PIEZO2: variants seen among roughly 807,000 people sequenced by gnomAD.
The protein encoded by PIEZO2 is piezo type mechanosensitive ion channel component 2.
PIEZO2 carries 172 observed loss-of-function variants against 337.3 expected under a neutral mutation model. The observed-to-expected ratio is 0.51, with a 90% CI of 0.45 to 0.58. PIEZO2 has a LOEUF of 0.58. PIEZO2 is among the 20% of genes least tolerant of loss of function. The pLI is 0.00. For synonymous variants in PIEZO2, 1,251 were observed against 1,228.5 expected (o/e 1.02, Z -0.38); for missense variants, 3,028 against 3,391.3 (o/e 0.89, Z 2.66).
At position 10,859,503 on chromosome 18, in the gene PIEZO2, C is replaced by A. The variant is rs1057015214; in HGVS notation, c.493-2292G>T. The stretch of plus-strand genomic sequence containing the variant: ...ACTGCATCCCATCTGCTCAGGACAC[C>A]AGGGAGAGAACAGCCCAGCCATCCT... On this transcript the variant is annotated intron_variant, in intron 5 of 55. Transcript: ENST00000674853. This position sits in a 1 kb window ranked among gnomAD's most constrained non-coding sequence, Gnocchi z 4.9. Among the ~76,000 whole-genome samples, 1 of 152,196 alleles carries A rather than the reference C, an allele frequency of 6.6e-6. No homozygotes were observed. Among genetic ancestry groups the A allele is most frequent in the African/African-American group, 2.4e-5 (1 of 41,446 alleles).
At chr18:10,939,450 A>G (rs2032600129) in intron 3 of PIEZO2, among the ~76,000 whole-genome samples, 1 of 152,194 alleles carries the variant, frequency 6.6e-6, no homozygotes, top group Non-Finnish European at 1.5e-5. Context: ...TCATTCTACT[A>G]TAAAGACACA....
At chr18:10,994,741 T>C (rs1005434369) in intron 2 of PIEZO2, among the ~76,000 whole-genome samples, 4 of 151,946 alleles carry the variant, frequency 2.6e-5, no homozygotes, top group Admixed American at 1.3e-4. Flanking sequence ...TCTGTATTGT[T>C]TTCCACAGTG....
chr18:11,120,159 T>A (rs2039991280), intron 1 of PIEZO2, among the ~76,000 whole-genome samples: 1 of 152,152 alleles, frequency 6.6e-6, no homozygotes, highest in South Asian at 2.1e-4. Context: ...ACAGATAACA[T>A]CAGTCCAGAA....
chr18:11,108,479 T>C (rs1224538781), intron 1 of PIEZO2, among the ~76,000 whole-genome samples: 1 of 151,482 alleles, frequency 6.6e-6, no homozygotes, highest in Non-Finnish European at 1.5e-5. Context: ...CCGGGCGCGG[T>C]GGCGGGCGCC....
chr18:10,739,305 A>G (rs759978864), intron 33 of PIEZO2: 3 of 152,268 alleles, frequency 2.0e-5, no homozygotes, highest in African/African-American at 4.8e-5. Flanking sequence ...GTAGTTTAAC[A>G]TCAATCTTCA....
chr18:10,718,082 C>T lies in PIEZO2; in HGVS notation c.5089+118G>A, dbSNP rs945696541. Reference sequence around the variant, plus strand: ...TTCCAAGGGATACTGATTATTTACTCATAGTCCAGAAAACAGTGTTCGATT... The same window carrying T: ...TTCCAAGGGATACTGATTATTTACTTATAGTCCAGAAAACAGTGTTCGATT... On this transcript the variant is annotated intron_variant, in intron 37 of 55. Coordinates refer to ENST00000674853, the MANE Select transcript of PIEZO2 (RefSeq NM_001378183.1). 3.6e-5 allele frequency: 31 copies of T among 869,320 alleles called. No individual in the cohort carries two copies. The African/African-American group carries it at 4.5e-4, about 13-fold the overall frequency. 53.9% of individuals were successfully genotyped at this position (869,320 alleles called of 1,614,324 possible). A position where few individuals can be genotyped will look rare whatever the true frequency, so the allele number is the denominator to read the frequency against.
At chr18:10,811,146 A>G (rs948712505) in intron 7 of PIEZO2, among the ~76,000 whole-genome samples, 3 of 151,986 alleles carry the variant, frequency 2.0e-5, no homozygotes, top group Non-Finnish European at 2.9e-5. Context: ...GTTTCTTCCT[A>G]TCTCTTTGTT....
rs7244687 is a variant in PIEZO2 at position 10,715,175 on chromosome 18, T to A, written c.5257-245A>T. The stretch of plus-strand genomic sequence containing the variant: ...GCCAAATCATAGTAACCTTTCAAGA[T>A]ATGAACTATTATTTTAAAATACAGT... On this transcript the variant is annotated intron_variant, in intron 38 of 55. Transcript: ENST00000674853. 0.83 allele frequency among the ~76,000 whole-genome samples: 126,642 copies of A among 151,950 alleles called. 53,417 individuals are homozygous for A. The highest frequency in any genetic ancestry group is 0.99 in the East Asian group (5,141 of 5,184).
Position 10,696,419 on chromosome 18 carries a change from G to C in PIEZO2, c.6948C>G (p.Ile2316Met), listed in dbSNP as rs1389899571. The stretch of plus-strand genomic sequence containing the variant: ...CAAAGGCCCAAAAGCCGAAGACAAT[G>C]ATGATGAAGTCCACAGTGTCAGCCA... The part of the protein sequence containing the change: ...MFLADTVDFI[I>M]IVFGFWAFGK... Residue 2316 changes from isoleucine to methionine, a missense_variant, in exon 46 of 56, where the codon ATC (isoleucine) becomes ATG (methionine). By Grantham distance (10) the Ile-to-Met change is conservative. Around this residue, in one of 5 missense-constraint regions of PIEZO2, gnomAD observed 1,925 missense variants for 2,051.9 expected, o/e 0.94. Transcript: ENST00000674853. 2 of 1,614,254 alleles carry C rather than the reference G, an allele frequency of 1.2e-6. No homozygotes were observed. Among genetic ancestry groups the C allele is most frequent in the Non-Finnish European group, 1.7e-6 (2 of 1,180,048 alleles).
chr18:11,060,591 C>T (rs554384345), intron 2 of PIEZO2, among the ~76,000 whole-genome samples: 23 of 152,294 alleles, frequency 1.5e-4, no homozygotes, highest in South Asian at 2.1e-4. Context: ...ACCGATCCCA[C>T]GGAAATACAA....
In PIEZO2 at chr18:10,962,948, T is replaced by TG. The variant is rs2033845001; in HGVS notation, c.286+16586dup. Reference sequence around the variant, plus strand: ...AAACTTTAAAAGACTAAAATTGGTCTGGGGCTATACATATACCCAGAATCA... The same window carrying TG: ...AAACTTTAAAAGACTAAAATTGGTCTGGGGGCTATACATATACCCAGAATCA... On this transcript the variant is annotated intron_variant, in intron 3 of 55. Coordinates refer to ENST00000674853, the MANE Select transcript of PIEZO2 (RefSeq NM_001378183.1). The surrounding 1 kb of genome is among the most constrained non-coding windows in gnomAD (Gnocchi z 4.1). Among the ~76,000 whole-genome samples the TG allele has an allele frequency of 6.6e-6, 1 of 152,162 alleles. No homozygotes were observed. Among genetic ancestry groups the TG allele is most frequent in the Admixed American group, 6.5e-5 (1 of 15,274 alleles).
intron 2 of PIEZO2, among the ~76,000 whole-genome samples, chr18:11,055,782 G>A (rs1165948529): frequency 1.3e-5 from 2 of 152,182 alleles, no homozygotes; most frequent in Non-Finnish European, 2.9e-5. Flanking sequence ...TTGCAGGCTG[G>A]GCCTCTGAGC....
At chr18:10,715,620 G>A (rs1231451767) in intron 38 of PIEZO2, 30 bp downstream of exon 38, 4 of 1,487,248 alleles carry the variant, frequency 2.7e-6, no homozygotes, top group South Asian at 1.3e-5. Flanking sequence ...ATGTGGGAAG[G>A]AGCAAAAAGA....
intron 2 of PIEZO2, among the ~76,000 whole-genome samples, chr18:11,052,246 ATC>A (rs1173573304): frequency 6.6e-6 from 1 of 152,182 alleles, no homozygotes; most frequent in Admixed American, 6.5e-5. Context: ...CTCCAGATTA[ATC>A]TCTGAGTCTC....
At chr18:10,932,973 A>G (rs980825254) in intron 3 of PIEZO2, among the ~76,000 whole-genome samples, 1 of 152,100 alleles carries the variant, frequency 6.6e-6, no homozygotes, top group Non-Finnish European at 1.5e-5. Context: ...AGAACACTCT[A>G]AGTTGCAAAG....
At position 10,672,699 on chromosome 18, in the gene PIEZO2, G is replaced by C; in HGVS notation, c.8336C>G (p.Ala2779Gly). ...KVSPPSLGFL[A>G]GYGIMGLYAS... ...TTCAATGAGTCCTTACCCATAGCCA[G>C]CCAGGAACCCCAGACTTGGGGGACT... The change falls in exon 55 of 56, where the codon GCT (alanine) becomes GGT (glycine). Residue 2779 changes from alanine to glycine, a missense_variant. Transcript: ENST00000674853. The surrounding 1 kb of genome is among the most constrained non-coding windows in gnomAD (Gnocchi z 4.7). The C allele has an allele frequency of 6.2e-7, 1 of 1,613,858 alleles. No homozygotes were observed. Among genetic ancestry groups the C allele is most frequent in the Non-Finnish European group, 8.5e-7 (1 of 1,179,912 alleles).
At chr18:11,040,006 T>G (rs1264859568) in intron 2 of PIEZO2, among the ~76,000 whole-genome samples, 1 of 151,950 alleles carries the variant, frequency 6.6e-6, no homozygotes, top group Admixed American at 6.6e-5. Flanking sequence ...TAAACTGTAG[T>G]CCAGAAAGTC....
rs954986716 is a variant in PIEZO2, at chr18:10,921,806, T to G, written c.287-10578A>C. The stretch of plus-strand genomic sequence containing the variant: ...GGAACATCCCTGAGAAAGAGAATAC[T>G]CGCCTGAGGGTGGGTCTCTGAACTG... On this transcript the variant is annotated intron_variant, in intron 3 of 55. Coordinates refer to ENST00000674853, the MANE Select transcript of PIEZO2 (RefSeq NM_001378183.1). 3.2e-4 allele frequency among the ~76,000 whole-genome samples: 48 copies of G among 152,260 alleles called. 2 individuals are homozygous for G. The highest frequency in any genetic ancestry group is 9.9e-4 in the African/African-American group (41 of 41,570).
At chr18:11,063,228 C>A (rs1015999936) in intron 2 of PIEZO2, among the ~76,000 whole-genome samples, 1 of 137,886 alleles carries the variant, frequency 7.3e-6, no homozygotes, top group Admixed American at 8.4e-5. Flanking sequence ...GGGAATTGAA[C>A]AATGAGAACA....
Sources: allele counts gnomAD v4.1 joint callset (sites outside exome capture counted in the v4.1 genomes callset), GRCh38; gene constraint gnomAD v4.1.1; regional missense constraint gnomAD v4.1.1; non-coding constraint Gnocchi (gnomAD v3.1); transcripts MANE v1.5; gene names NCBI Gene and HGNC (gene_info 2026-07-23, HGNC 2026-07-21).